Variants in NF1 observed in about 807,000 individuals in gnomAD.
NF1 encodes the protein neurofibromin.
NF1 carries 122 observed loss-of-function variants against 325.7 expected under a neutral mutation model. That is an observed-to-expected ratio of 0.37 (90% CI 0.32 to 0.44). NF1 has a LOEUF of 0.44. Among genes scored for constraint, NF1 ranks in the 20% least tolerant of loss-of-function variants. The probability of loss-of-function intolerance (pLI) is 1.00; values close to 1 mark genes in which losing one functional copy is unlikely to be tolerated. For synonymous variants in NF1, 1,091 were observed against 1,186.0 expected (o/e 0.92, Z 1.65); for missense variants, 2,140 against 3,415.4 (o/e 0.63, Z 9.31).
intron 57 of NF1, among the ~76,000 whole-genome samples, chr17:31,368,065 G>A (rs2151595737): frequency 6.6e-6 from 1 of 152,242 alleles, no homozygotes; most frequent in East Asian, 1.9e-4. Flanking sequence ...TTATTCACCT[G>A]TAATTAATAT....
chr17:31,240,068 GTTTC>G (rs1258805416), intron 29 of NF1, among the ~76,000 whole-genome samples: 16 of 152,086 alleles, frequency 1.1e-4, no homozygotes, highest in African/African-American at 3.6e-4. Context: ...CCGGCCTATC[GTTTC>G]TTTATGTTAC....
At chr17:31,305,202 T>C in intron 36 of NF1, 1 of 1,614,142 alleles carries the variant, frequency 6.2e-7, no homozygotes, top group African/African-American at 1.3e-5. Context: ...TTGGTGGTTG[T>C]GTGGTAGAAG....
chr17:31,222,833 G>C (rs889327289), intron 15 of NF1: 1 of 156,890 alleles, frequency 6.4e-6, no homozygotes, highest in Non-Finnish European at 1.4e-5. Context: ...CAATAGCCAC[G>C]TGTGGCTGGC....
intron 1 of NF1, among the ~76,000 whole-genome samples, chr17:31,123,757 C>T (rs1277175320): frequency 6.6e-6 from 1 of 152,206 alleles, no homozygotes; most frequent in African/African-American, 2.4e-5. Context: ...ACAACAGAAA[C>T]TTACTTCTCA....
intron 8 of NF1, among the ~76,000 whole-genome samples, chr17:31,192,266 A>G (rs1344993293): frequency 6.6e-6 from 1 of 152,236 alleles, no homozygotes. Flanking sequence ...AGCCATCAGG[A>G]GTTCCTGAGA....
intron 4 of NF1, among the ~76,000 whole-genome samples, chr17:31,163,974 A>G (rs2952975): frequency 0.84 from 128,265 of 152,220 alleles, 54,684 homozygotes; most frequent in African/African-American, 0.95. Flanking sequence ...AAAGTGGACT[A>G]CATTTTAAAT....
intron 5 of NF1, among the ~76,000 whole-genome samples, chr17:31,170,372 G>A (rs1346512226): frequency 2.6e-5 from 4 of 152,176 alleles, no homozygotes; most frequent in African/African-American, 9.7e-5. Flanking sequence ...TCTGTAGTAG[G>A]ATATCAAAGT....
At chr17:31,265,085 G>A (rs2067761588) in intron 35 of NF1, 144 bp from the exon 36 acceptor site, 1 of 604,416 alleles carries the variant, frequency 1.7e-6, no homozygotes, top group Non-Finnish European at 2.9e-6. Flanking sequence ...TTTGGTGCAT[G>A]TTGCCAAATT....
At chr17:31,279,045 C>T (rs1239779903) in intron 36 of NF1, among the ~76,000 whole-genome samples, 1 of 152,092 alleles carries the variant, frequency 6.6e-6, no homozygotes, top group African/African-American at 2.4e-5. Context: ...TTGAGACCAG[C>T]CTGGGCAACA....
intron 27 of NF1, among the ~76,000 whole-genome samples, 173 bp from the exon 28 acceptor site, chr17:31,235,438 A>G (rs1338591861): frequency 6.6e-6 from 1 of 152,224 alleles, no homozygotes; most frequent in Admixed American, 6.5e-5. Context: ...ATAGTCATCT[A>G]TCATAAACAA....
chr17:31,286,661 A>G (rs926495347), intron 36 of NF1, among the ~76,000 whole-genome samples: 1 of 152,228 alleles, frequency 6.6e-6, no homozygotes, highest in Middle Eastern at 3.2e-3. Context: ...AGGAATACAG[A>G]TGAGTATTTA....
At chr17:31,281,573 C>G (rs2068118607) in intron 36 of NF1, among the ~76,000 whole-genome samples, 1 of 152,208 alleles carries the variant, frequency 6.6e-6, no homozygotes, top group Non-Finnish European at 1.5e-5. Flanking sequence ...CCATTGCCCC[C>G]TTTGCCATGC....
rs781367679 is a variant in NF1 at position 31,201,108 on chromosome 17, C to G, written c.1134C>G (p.Asp378Glu). 1 of 1,614,112 alleles carries G rather than the reference C, an allele frequency of 6.2e-7. No homozygotes were observed. Among genetic ancestry groups the G allele is most frequent in the Non-Finnish European group, 8.5e-7 (1 of 1,180,006 alleles). Residue 378 changes from aspartate (D) to glutamate (E), a missense_variant, in exon 10 of 58, where the codon GAC becomes GAG. Coordinates refer to ENST00000358273, the MANE Select transcript of NF1 (RefSeq NM_001042492.3). ...SQPADVDLMI[D>E]CLVSCFRISP... is the part of the protein sequence containing the mutation. ...CTGCAGATGTGGATCTAATGATTGACTGCCTTGTTTCTTGCTTTCGTATAA... is the reference window on the plus strand; with the variant it reads ...CTGCAGATGTGGATCTAATGATTGAGTGCCTTGTTTCTTGCTTTCGTATAA...
At chr17:31,349,276 T>G in intron 49 of NF1, 25 bp downstream of exon 49, 1 of 1,606,578 alleles carries the variant, frequency 6.2e-7, no homozygotes, top group Non-Finnish European at 8.5e-7. Context: ...TAAACAAAAT[T>G]AATCTTGCTA....
chr17:31,145,254 A>C (rs1203613627), intron 1 of NF1, among the ~76,000 whole-genome samples: 1 of 152,186 alleles, frequency 6.6e-6, no homozygotes, highest in Non-Finnish European at 1.5e-5. Context: ...GTGCAGTGGC[A>C]CGATCTGGGC....
intron 36 of NF1, among the ~76,000 whole-genome samples, chr17:31,287,438 C>A (rs2068252512): frequency 6.6e-6 from 1 of 152,164 alleles, no homozygotes; most frequent in Non-Finnish European, 1.5e-5. Context: ...GTTAAACCAC[C>A]AATATAGTTA....
At chr17:31,283,855 A>G (rs535779274) in intron 36 of NF1, among the ~76,000 whole-genome samples, 20 of 152,282 alleles carry the variant, frequency 1.3e-4, no homozygotes, top group African/African-American at 4.6e-4. Context: ...ATTTAATCCT[A>G]GTGATTGGAA....
chr17:31,304,626 A>T, intron 36 of NF1: 1 of 1,614,196 alleles, frequency 6.2e-7, no homozygotes, highest in Non-Finnish European at 8.5e-7. Context: ...AAGAAACAGC[A>T]GTTCCAACTG....
chr17:31,285,309 A>G (rs1467192552), intron 36 of NF1, among the ~76,000 whole-genome samples: 1 of 151,094 alleles, frequency 6.6e-6, no homozygotes, highest in Non-Finnish European at 1.5e-5. Flanking sequence ...AAAAATTCTG[A>G]AACAACCATG....
Sources: allele counts gnomAD v4.1 joint callset (sites outside exome capture counted in the v4.1 genomes callset), GRCh38; gene constraint gnomAD v4.1.1; transcripts MANE v1.5; gene names NCBI Gene and HGNC (gene_info 2026-07-23, HGNC 2026-07-21).